Variants in SERPINE2 observed in about 807,000 individuals in gnomAD.
SERPINE2 encodes glia-derived nexin.
A neutral mutation model predicts 36.3 loss-of-function variants in SERPINE2; 14 were observed. That is an observed-to-expected ratio of 0.39 (90% confidence interval 0.25 to 0.60). The LOEUF (loss-of-function observed/expected upper bound fraction) is 0.60, where lower values mean the gene tolerates loss of function less well. Ranked by LOEUF, SERPINE2 falls within the 20% of genes least tolerant of loss-of-function variation. The pLI is 0.57. For missense variants in SERPINE2, 418 were observed against 499.6 expected, an observed-to-expected ratio of 0.84 and a Z score of 1.56; for synonymous variants, 192 against 191.8, an observed-to-expected ratio of 1.00 and a Z score of -0.01.
At chr2:224,019,683 T>C (rs1691926547) in intron 1 of SERPINE2, among the ~76,000 whole-genome samples, 1 of 151,688 alleles carries the variant, frequency 6.6e-6, no homozygotes, top group African/African-American at 2.4e-5. Context: ...ATTACCATCA[T>C]GTATTAAGGT....
At chr2:223,976,282 C>G (rs377697940) in intron 8 of SERPINE2, among the ~76,000 whole-genome samples, 7 of 152,194 alleles carry the variant, frequency 4.6e-5, no homozygotes, top group African/African-American at 1.7e-4. Flanking sequence ...TCCCAAGTAG[C>G]TGGGATTACA....
At chr2:223,991,662 C>A in intron 4 of SERPINE2, 141 bp downstream of exon 4, 1 of 809,978 alleles carries the variant, frequency 1.2e-6, no homozygotes, top group South Asian at 1.6e-5. Context: ...TTATAAAAAT[C>A]CTGCCTCTCA....
intron 7 of SERPINE2, chr2:223,980,043 T>C (rs1004637939): frequency 6.4e-6 from 2 of 312,942 alleles, no homozygotes; most frequent in African/African-American, 4.2e-5. Flanking sequence ...CTGAAATACA[T>C]ACTACCTGGC....
chr2:223,978,382 A>G (rs1690094405), intron 7 of SERPINE2: 1 of 152,238 alleles, frequency 6.6e-6, no homozygotes, highest in African/African-American at 2.4e-5. Flanking sequence ...GCCCAGTCCA[A>G]TTCTTAGCTT....
intron 1 of SERPINE2, among the ~76,000 whole-genome samples, chr2:224,023,889 T>C (rs1224286453): frequency 6.6e-6 from 1 of 152,186 alleles, no homozygotes; most frequent in East Asian, 1.9e-4. Flanking sequence ...TACCCAGGCC[T>C]GTTGTAAGAA....
chr2:224,011,382 G>C (rs998305988), intron 1 of SERPINE2, among the ~76,000 whole-genome samples: 8 of 152,006 alleles, frequency 5.3e-5, no homozygotes, highest in African/African-American at 1.7e-4. Context: ...TTTAGTATTG[G>C]TAAAAATACA....
intron 1 of SERPINE2, chr2:224,038,748 T>C: frequency 1.8e-6 from 1 of 549,196 alleles, no homozygotes; most frequent in Non-Finnish European, 3.2e-6. Context: ...CAGGGCCGGC[T>C]CGGATGGCCG....
chr2:224,036,885 G>T (rs1472691126), intron 1 of SERPINE2, among the ~76,000 whole-genome samples: 2 of 152,058 alleles, frequency 1.3e-5, no homozygotes, highest in Admixed American at 1.3e-4. Flanking sequence ...TAAGAAAAGG[G>T]AGTAACACTC....
intron 1 of SERPINE2, among the ~76,000 whole-genome samples, chr2:224,011,910 C>T (rs1318394407): frequency 6.6e-6 from 1 of 152,134 alleles, no homozygotes; most frequent in Admixed American, 6.5e-5. Context: ...GACCTTTTAC[C>T]AGCTTTGTGC....
In SERPINE2 at chr2:224,039,084, G is replaced by C. The variant is rs1182644736; in HGVS notation, c.-23+15C>G. On this transcript the variant is annotated intron_variant, in intron 1 of 8. Coordinates refer to ENST00000409304, the MANE Select transcript of SERPINE2 (RefSeq NM_001136528.2). This position sits in a 1 kb window ranked among gnomAD's most constrained non-coding sequence, Gnocchi z 5.2. Reference sequence around the variant, plus strand: ...GCCGGCCGCGCCCGGGACTCACCGCGCAGCCTGTACTCACCGCGCTCGCTG... The same window carrying C: ...GCCGGCCGCGCCCGGGACTCACCGCCCAGCCTGTACTCACCGCGCTCGCTG... The C allele has an allele frequency of 2.0e-5, 3 of 151,206 alleles. No homozygotes were observed. Among genetic ancestry groups the C allele is most frequent in the Admixed American group, 1.3e-4 (2 of 15,180 alleles). The allele number at this position is 151,206 out of a possible 1,614,324, so 9.4% of individuals were successfully genotyped here.
chr2:223,989,124 T>G (rs1690549550), intron 4 of SERPINE2, among the ~76,000 whole-genome samples: 1 of 152,232 alleles, frequency 6.6e-6, no homozygotes, highest in Admixed American at 6.5e-5. Flanking sequence ...GCATGAAATA[T>G]AAATCTACTA....
In SERPINE2 at chr2:223,976,653, C is replaced by A. The variant is rs567156669; in HGVS notation, c.1157-749G>T. 2.0e-5 allele frequency among the ~76,000 whole-genome samples: 3 copies of A among 152,266 alleles called. No individual in the cohort carries two copies. The East Asian group carries it at 5.8e-4, about 29-fold the overall frequency. On this transcript the variant is annotated intron_variant, in intron 8 of 8. Transcript: ENST00000409304. Reference sequence around the variant, plus strand: ...TGCCTACTCTTGTACCAACAAGAAGCCAACCTCTCTACAAAGATGAACTTA... The same window carrying A: ...TGCCTACTCTTGTACCAACAAGAAGACAACCTCTCTACAAAGATGAACTTA...
intron 2 of SERPINE2, among the ~76,000 whole-genome samples, chr2:223,998,627 G>A (rs1005249207): frequency 6.6e-6 from 1 of 152,124 alleles, no homozygotes; most frequent in Non-Finnish European, 1.5e-5. Context: ...GAGGTGGGAG[G>A]ATCGCTGGAG....
chr2:224,035,992 CA>C (rs58116674), intron 1 of SERPINE2, among the ~76,000 whole-genome samples: 92,995 of 151,276 alleles, frequency 0.61, 29,098 homozygotes, highest in South Asian at 0.71. Flanking sequence ...GAACCACTGC[CA>C]AAAAAAAACG....
At chr2:224,005,152 C>T (rs1691377899) in intron 1 of SERPINE2, among the ~76,000 whole-genome samples, 1 of 145,982 alleles carries the variant, frequency 6.9e-6, no homozygotes, top group Non-Finnish European at 1.5e-5. Flanking sequence ...TCTAACAGCT[C>T]CAATGTCTTA....
In SERPINE2 at chr2:223,975,537, A is replaced by C; in HGVS notation, c.*330T>G. The C allele has an allele frequency of 4.4e-6, 1 of 229,880 alleles. No individual in the cohort carries two copies. The highest frequency in any genetic ancestry group is 8.3e-6 in the Non-Finnish European group (1 of 119,810). 14.2% of individuals were successfully genotyped at this position (229,880 alleles called of 1,614,324 possible). On this transcript the variant is annotated 3_prime_UTR_variant, in exon 9 of 9. Coordinates refer to ENST00000409304, the MANE Select transcript of SERPINE2 (RefSeq NM_001136528.2). ...CTTCTGAAAAGCCGCACATATAGACAAAACAAAACAAAAATTCCTGAACTG... is the reference window on the plus strand; with the variant it reads ...CTTCTGAAAAGCCGCACATATAGACCAAACAAAACAAAAATTCCTGAACTG...
rs1692310392 is a variant in SERPINE2 at position 224,030,060 on chromosome 2, T to G, written c.-23+9039A>C. The G allele has an allele frequency of 4.1e-6, 4 of 985,304 alleles. No individual in the cohort carries two copies. The South Asian group carries it at 1.9e-4, about 46-fold the overall frequency. The allele number at this position is 985,304 out of a possible 1,614,324, so 61.0% of individuals were successfully genotyped here. Reference sequence around the variant, plus strand: ...ACCTAATGGAAAAAAGCAGCCAGCATGACAGGGCTACCTGCAACGTGTTCC... The same window carrying G: ...ACCTAATGGAAAAAAGCAGCCAGCAGGACAGGGCTACCTGCAACGTGTTCC... On this transcript the variant is annotated intron_variant, in intron 1 of 8. Coordinates refer to ENST00000409304, the MANE Select transcript of SERPINE2 (RefSeq NM_001136528.2).
chr2:224,030,080 T>C (rs1056311252), intron 1 of SERPINE2: 1 of 985,344 alleles, frequency 1.0e-6, no homozygotes, highest in African/African-American at 1.7e-5. Flanking sequence ...ACCTGCAACG[T>C]GTTCCCTGGA....
intron 5 of SERPINE2, among the ~76,000 whole-genome samples, chr2:223,984,493 C>T (rs1002817739): frequency 3.9e-5 from 6 of 152,206 alleles, no homozygotes; most frequent in African/African-American, 1.4e-4. Flanking sequence ...CCATGAACTG[C>T]TTATGCTCAT....
Sources: gnomAD v4.1 joint callset for allele counts (sites outside exome capture counted in the v4.1 genomes callset) on GRCh38, gnomAD v4.1.1 for gene constraint, Gnocchi (gnomAD v3.1) non-coding constraint, MANE v1.5 for transcripts, NCBI Gene and HGNC (gene_info 2026-07-23, HGNC 2026-07-21) for gene names.